Variants in SMARCAD1 observed in about 807,000 individuals in gnomAD.
The protein encoded by SMARCAD1 is SNF2 related chromatin remodeling ATPase with DExD box 1.
Under a neutral mutation model 127.1 loss-of-function variants are expected in SMARCAD1, and 25 were observed. That is an observed-to-expected ratio of 0.20 (90% CI 0.14 to 0.27). The LOEUF is 0.27. SMARCAD1 is among the 10% of genes least tolerant of loss of function. The probability of loss-of-function intolerance (pLI) is 1.00; values close to 1 mark genes in which losing one functional copy is unlikely to be tolerated. For missense variants in SMARCAD1, 807 were observed against 1,206.0 expected (o/e 0.67, Z 4.90); for synonymous variants, 400 against 396.9 (o/e 1.01, Z -0.09).
intron 3 of SMARCAD1, among the ~76,000 whole-genome samples, chr4:94,227,738 C>T (rs555484935): frequency 9.9e-5 from 15 of 152,258 alleles, no homozygotes; most frequent in South Asian, 4.2e-4. Context: ...CACTCCTAGA[C>T]GTCTAAATGG....
At chr4:94,224,425 T>A (rs907214507) in intron 2 of SMARCAD1, among the ~76,000 whole-genome samples, 1 of 152,158 alleles carries the variant, frequency 6.6e-6, no homozygotes, top group African/African-American at 2.4e-5. Context: ...CATAATGAGA[T>A]TGGGAATGGA....
chr4:94,226,606 G>A (rs369563295), intron 3 of SMARCAD1, among the ~76,000 whole-genome samples: 28 of 148,918 alleles, frequency 1.9e-4, no homozygotes, highest in African/African-American at 5.4e-4. Context: ...ACCTTTGATC[G>A]TGTATAACTG....
chr4:94,280,139 A>G (rs898876424), intron 19 of SMARCAD1, among the ~76,000 whole-genome samples: 2 of 152,238 alleles, frequency 1.3e-5, no homozygotes, highest in Non-Finnish European at 2.9e-5. Context: ...TGCTGGGATT[A>G]TAGGCGTGAG....
At chr4:94,253,801 G>T (rs566623225) in intron 9 of SMARCAD1, 24 of 675,126 alleles carry the variant, frequency 3.6e-5, no homozygotes, top group Middle Eastern at 7.5e-4. Flanking sequence ...ATAAATATAA[G>T]AACTCTTAAA....
chr4:94,274,637 G>A (rs1753011170), intron 12 of SMARCAD1, 101 bp from the exon 13 acceptor site: 1 of 1,130,172 alleles, frequency 8.8e-7, no homozygotes, highest in Admixed American at 1.7e-5. Context: ...TTTTATAAAA[G>A]ACTGATTTCT....
chr4:94,257,862 G>A (rs1579236408), intron 9 of SMARCAD1, among the ~76,000 whole-genome samples: 2 of 152,092 alleles, frequency 1.3e-5, no homozygotes, highest in East Asian at 3.9e-4. Context: ...ATAGACAATA[G>A]GATTTAGTTC....
At chr4:94,245,610 G>A (rs887658583) in intron 6 of SMARCAD1, among the ~76,000 whole-genome samples, 10 of 152,158 alleles carry the variant, frequency 6.6e-5, no homozygotes, top group Non-Finnish European at 1.3e-4. Context: ...TTCATTTTCA[G>A]ATAACCTGTT....
chr4:94,279,291 C>CA (rs1243607259), intron 19 of SMARCAD1, among the ~76,000 whole-genome samples: 1 of 152,164 alleles, frequency 6.6e-6, no homozygotes, highest in Non-Finnish European at 1.5e-5. Flanking sequence ...GGACTACAGG[C>CA]ACGCACCACC....
chr4:94,210,409 T>C (rs556330788), intron 2 of SMARCAD1, among the ~76,000 whole-genome samples: 1 of 152,344 alleles, frequency 6.6e-6, no homozygotes, highest in African/African-American at 2.4e-5. Context: ...GTATTAGATA[T>C]CCATTGAAGA....
At chr4:94,282,107 T>TGTTTG (rs1202650008) in intron 21 of SMARCAD1, among the ~76,000 whole-genome samples, 3 of 92,766 alleles carry the variant, frequency 3.2e-5, no homozygotes, top group Non-Finnish European at 4.6e-5. Context: ...TTTGTTTTTT[T>TGTTTG]TTTTTTTTTT....
At chr4:94,240,102 A>G (rs763508390) in intron 5 of SMARCAD1, among the ~76,000 whole-genome samples, 1 of 152,196 alleles carries the variant, frequency 6.6e-6, no homozygotes, top group Non-Finnish European at 1.5e-5. Flanking sequence ...TTTGAGCTGC[A>G]TAGTTAGGGC....
At chr4:94,272,281 A>G (rs1752649038) in intron 11 of SMARCAD1, among the ~76,000 whole-genome samples, 2 of 152,294 alleles carry the variant, frequency 1.3e-5, no homozygotes, top group Middle Eastern at 3.4e-3. Flanking sequence ...CAACGTATGT[A>G]TTGTCAGTGG....
chr4:94,221,851 A>G (rs1257488459), intron 2 of SMARCAD1, among the ~76,000 whole-genome samples: 2 of 152,232 alleles, frequency 1.3e-5, no homozygotes, highest in Non-Finnish European at 2.9e-5. Context: ...GAGAGAAATC[A>G]GAAGAACTGA....
intron 14 of SMARCAD1, among the ~76,000 whole-genome samples, 157 bp from the exon 15 acceptor site, chr4:94,276,182 A>G (rs1261878320): frequency 6.6e-6 from 1 of 152,176 alleles, no homozygotes; most frequent in Non-Finnish European, 1.5e-5. Flanking sequence ...CAAGTACGTC[A>G]GTATTTATTT....
intron 6 of SMARCAD1, among the ~76,000 whole-genome samples, chr4:94,247,305 G>A (rs4693004): frequency 0.38 from 57,460 of 151,860 alleles, 11,878 homozygotes; most frequent in East Asian, 0.71. Context: ...CCTTGGGCCC[G>A]CTGAGACAGA....
chr4:94,214,459 C>T (rs528126594), intron 2 of SMARCAD1, among the ~76,000 whole-genome samples: 9 of 151,636 alleles, frequency 5.9e-5, no homozygotes, highest in East Asian at 2.0e-4. Context: ...AGTAGAGACC[C>T]GGTTTCACCG....
chr4:94,237,024 C>T lies in SMARCAD1; in HGVS notation c.604+6C>T. 1.9e-6 allele frequency: 3 copies of T among 1,611,964 alleles called. No individual in the cohort carries two copies. Among genetic ancestry groups the T allele is most frequent in the Non-Finnish European group, 2.5e-6 (3 of 1,178,542 alleles). ...GCTGATGTTTGGTGATGCAGGTATG[C>T]TTGACTTAATTTTAAGCCATGTCGA... On this transcript the variant is annotated splice_donor_region_variant and intron_variant, in intron 5 of 23. Coordinates refer to ENST00000354268, the MANE Select transcript of SMARCAD1 (RefSeq NM_020159.5).
intron 3 of SMARCAD1, among the ~76,000 whole-genome samples, chr4:94,233,671 C>T (rs757927634): frequency 1.3e-5 from 2 of 152,134 alleles, no homozygotes; most frequent in Admixed American, 6.5e-5. Flanking sequence ...GCAATAAATG[C>T]GTGTGAGTCC....
At chr4:94,286,951 G>A (rs1252631539) in intron 23 of SMARCAD1, among the ~76,000 whole-genome samples, 3 of 152,062 alleles carry the variant, frequency 2.0e-5, no homozygotes, top group Non-Finnish European at 2.9e-5. Context: ...TGCAAGCTCC[G>A]CCTCCCGGGT....
Sources: allele counts gnomAD v4.1 joint callset (sites outside exome capture counted in the v4.1 genomes callset), GRCh38; gene constraint gnomAD v4.1.1; transcripts MANE v1.5; gene names NCBI Gene and HGNC (gene_info 2026-07-23, HGNC 2026-07-21).